Variants in CPPED1 observed in about 807,000 individuals in gnomAD.
CPPED1 encodes the protein calcineurin like phosphoesterase domain containing 1.
In CPPED1, 28 loss-of-function variants were observed where a neutral mutation model predicts 28.0. That is an observed-to-expected ratio of 1.00 (90% CI 0.74 to 1.37). CPPED1 has a LOEUF of 1.37. CPPED1 is among the 40% of genes most tolerant of loss of function. CPPED1 has a pLI of 0.00. For synonymous variants in CPPED1, 198 were observed against 180.2 expected (o/e 1.10, Z -0.79); for missense variants, 504 against 416.5 (o/e 1.21, Z -1.83).
chr16:12,664,019 T>G lies in CPPED1; in HGVS notation c.*867A>C, dbSNP rs1289297798. Reference sequence around the variant, plus strand: ...TTTCTTTTGAGAGCTCTGCATACATTCCCACTTTTCCTGTCAAAGTGGACA... The same window carrying G: ...TTTCTTTTGAGAGCTCTGCATACATGCCCACTTTTCCTGTCAAAGTGGACA... On this transcript the variant is annotated 3_prime_UTR_variant, in exon 4 of 4. Coordinates refer to ENST00000381774, the MANE Select transcript of CPPED1 (RefSeq NM_018340.3). This position sits in a 1 kb window ranked among gnomAD's most constrained non-coding sequence, Gnocchi z 4.2. The G allele has an allele frequency of 6.6e-6, 1 of 152,156 alleles. No individual in the cohort carries two copies. The highest frequency in any genetic ancestry group is 1.5e-5 in the Non-Finnish European group (1 of 68,036). The allele number at this position is 152,156 out of a possible 1,614,324, so 9.4% of individuals were successfully genotyped here. A position where few individuals can be genotyped will look rare whatever the true frequency, so the allele number is the denominator to read the frequency against.
chr16:12,723,405 G>C (rs968557418), intron 2 of CPPED1, among the ~76,000 whole-genome samples: 4 of 152,144 alleles, frequency 2.6e-5, no homozygotes, highest in African/African-American at 9.7e-5. Context: ...TCTCCAACAA[G>C]GTAAGTAAGT....
intron 1 of CPPED1, among the ~76,000 whole-genome samples, chr16:12,798,396 T>C (rs927807627): frequency 3.9e-5 from 6 of 152,236 alleles, no homozygotes; most frequent in African/African-American, 1.2e-4. Flanking sequence ...GTTAGAATTT[T>C]TAAAACCACA....
At chr16:12,676,555 G>A (rs2079878745) in intron 3 of CPPED1, among the ~76,000 whole-genome samples, 1 of 152,160 alleles carries the variant, frequency 6.6e-6, no homozygotes, top group African/African-American at 2.4e-5. Flanking sequence ...TAGCTAAGAT[G>A]TATACTTGGA....
chr16:12,738,597 G>C (rs74978611), intron 2 of CPPED1, among the ~76,000 whole-genome samples: 1 of 151,848 alleles, frequency 6.6e-6, no homozygotes, highest in Non-Finnish European at 1.5e-5. Context: ...AGATTTTTCA[G>C]GAATAAGAAA....
intron 1 of CPPED1, among the ~76,000 whole-genome samples, chr16:12,789,827 TG>T (rs1052853389): frequency 1.2e-4 from 19 of 152,154 alleles, no homozygotes; most frequent in African/African-American, 4.3e-4. Context: ...GCATCCAGCC[TG>T]GTTGCCATAA....
chr16:12,720,088 T>G (rs529427681), intron 2 of CPPED1, among the ~76,000 whole-genome samples: 11 of 152,224 alleles, frequency 7.2e-5, no homozygotes, highest in Non-Finnish European at 1.5e-4. Context: ...TGACTTCATA[T>G]AGTTCTGGAC....
intron 3 of CPPED1, among the ~76,000 whole-genome samples, chr16:12,687,197 T>C (rs868738601): frequency 6.6e-6 from 1 of 152,218 alleles, no homozygotes; most frequent in Non-Finnish European, 1.5e-5. Flanking sequence ...TATAATATTA[T>C]TATTTTTTCA....
intron 2 of CPPED1, among the ~76,000 whole-genome samples, chr16:12,744,256 G>C (rs2080271574): frequency 7.6e-6 from 1 of 131,096 alleles, no homozygotes; most frequent in East Asian, 2.1e-4. Flanking sequence ...GGGCGACAGA[G>C]CAAGACTCTG....
At chr16:12,740,953 C>T (rs1333567557) in intron 2 of CPPED1, among the ~76,000 whole-genome samples, 1 of 152,160 alleles carries the variant, frequency 6.6e-6, no homozygotes, top group Non-Finnish European at 1.5e-5. Flanking sequence ...ACCAGCTTTC[C>T]CGGCTGATCA....
chr16:12,680,104 T>C (rs1177160980), intron 3 of CPPED1, among the ~76,000 whole-genome samples: 1 of 152,150 alleles, frequency 6.6e-6, no homozygotes, highest in Non-Finnish European at 1.5e-5. Context: ...ACTGGTCCCA[T>C]TCAGTTTCCT....
chr16:12,718,018 A>G (rs1355637947), intron 2 of CPPED1, among the ~76,000 whole-genome samples: 1 of 152,188 alleles, frequency 6.6e-6, no homozygotes, highest in Non-Finnish European at 1.5e-5. Flanking sequence ...CTGACTCCAG[A>G]GCTGGTGTTT....
At chr16:12,801,049 G>C (rs2080656446) in intron 1 of CPPED1, among the ~76,000 whole-genome samples, 1 of 152,038 alleles carries the variant, frequency 6.6e-6, no homozygotes, top group Non-Finnish European at 1.5e-5. Flanking sequence ...CCACCATACT[G>C]GACAGTGCAA....
chr16:12,697,368 C>T (rs2079997032), intron 3 of CPPED1, among the ~76,000 whole-genome samples: 1 of 90,236 alleles, frequency 1.1e-5, no homozygotes, highest in South Asian at 4.1e-4. Context: ...ACCATGGACC[C>T]TCTTGTCTGC....
At chr16:12,780,315 G>A (rs1199983754) in intron 2 of CPPED1, among the ~76,000 whole-genome samples, 1 of 152,184 alleles carries the variant, frequency 6.6e-6, no homozygotes. Flanking sequence ...GAGTAACTGG[G>A]ACTACATGCA....
chr16:12,762,269 C>T (rs998910880), intron 2 of CPPED1, among the ~76,000 whole-genome samples: 9 of 152,008 alleles, frequency 5.9e-5, no homozygotes, highest in African/African-American at 1.2e-4. Flanking sequence ...GGTAACGCCA[C>T]GGAGATGGTG....
chr16:12,786,706 G>A (rs1238211881), intron 1 of CPPED1, among the ~76,000 whole-genome samples: 3 of 152,142 alleles, frequency 2.0e-5, no homozygotes, highest in Non-Finnish European at 4.4e-5. Flanking sequence ...GGATCACGAG[G>A]TCAAAAGATC....
intron 2 of CPPED1, among the ~76,000 whole-genome samples, chr16:12,745,547 T>C (rs905070203): frequency 2.6e-5 from 4 of 152,234 alleles, no homozygotes; most frequent in South Asian, 2.1e-4. Context: ...CTGGAGGCTA[T>C]TATCTTTAGC....
intron 2 of CPPED1, among the ~76,000 whole-genome samples, chr16:12,735,862 T>C (rs2080224167): frequency 6.6e-6 from 1 of 152,218 alleles, no homozygotes; most frequent in Non-Finnish European, 1.5e-5. Flanking sequence ...ATGTTTTGCA[T>C]GAGACTAAAA....
At chr16:12,749,897 G>A (rs1047753718) in intron 2 of CPPED1, among the ~76,000 whole-genome samples, 2 of 152,112 alleles carry the variant, frequency 1.3e-5, no homozygotes, top group African/African-American at 2.4e-5. Flanking sequence ...GCAGAATCAC[G>A]AATGTTCTTA....
Sources: allele counts gnomAD v4.1 joint callset (sites outside exome capture counted in the v4.1 genomes callset), GRCh38; gene constraint gnomAD v4.1.1; non-coding constraint Gnocchi (gnomAD v3.1); transcripts MANE v1.5; gene names NCBI Gene and HGNC (gene_info 2026-07-23, HGNC 2026-07-21).